The following LTBP4 variants were observed in gnomAD, a reference collection of about 807,000 sequenced individuals.
LTBP4 encodes latent transforming growth factor beta binding protein 4.
A neutral mutation model predicts 180.2 loss-of-function variants in LTBP4; 93 were observed. The ratio of observed to expected loss-of-function variants is 0.52; its 90% CI spans 0.44 to 0.61. The LOEUF is 0.61. LTBP4 is among the 20% of genes least tolerant of loss of function. LTBP4 has a pLI of 0.00. For synonymous variants in LTBP4, 947 were observed against 934.5 expected, an observed-to-expected ratio of 1.01 and a Z score of -0.24; for missense variants, 2,116 against 2,256.5, an observed-to-expected ratio of 0.94 and a Z score of 1.26.
Position 40,622,933 on chromosome 19 carries a change from C to T in LTBP4, c.3485-17C>T, listed in dbSNP as rs375252344. Reference sequence around the variant, plus strand: ...TGGGGCTCTGGTGTCCTGGCTCAGGCTTGTCTCTGTGTGTAGCTGAGTACC... The same window carrying T: ...TGGGGCTCTGGTGTCCTGGCTCAGGTTTGTCTCTGTGTGTAGCTGAGTACC... On this transcript the variant is annotated splice_polypyrimidine_tract_variant and intron_variant, in intron 23 of 29. Transcript: ENST00000396819. The surrounding 1 kb of genome is among the most constrained non-coding windows in gnomAD (Gnocchi z 5.1). 8.1e-6 allele frequency: 13 copies of T among 1,612,188 alleles called. No individual in the cohort carries two copies. Among genetic ancestry groups the T allele is most frequent in the Non-Finnish European group, 1.1e-5 (13 of 1,179,042 alleles).
intron 21 of LTBP4, among the ~76,000 whole-genome samples, chr19:40,617,901 A>G (rs544580718): frequency 1.3e-5 from 2 of 152,302 alleles, no homozygotes; most frequent in East Asian, 3.9e-4. Flanking sequence ...TTATCATTTT[A>G]TTACACTTGC....
At position 40,622,804 on chromosome 19, in the gene LTBP4, G is replaced by A; in HGVS notation, c.3484+137G>A. The A allele has an allele frequency of 7.2e-7, 1 of 1,397,334 alleles. No individual in the cohort carries two copies. The highest frequency in any genetic ancestry group is 1.4e-5 in the African/African-American group (1 of 70,556). The allele number at this position is 1,397,334 out of a possible 1,614,324, so 86.6% of individuals were successfully genotyped here. ...TGTCAGGGCAAGGGCGAGCTGCCAG[G>A]CAGGTGGGCATGGGCAGACATAAGG... On this transcript the variant is annotated intron_variant, in intron 23 of 29. Transcript: ENST00000396819. The surrounding 1 kb of genome is among the most constrained non-coding windows in gnomAD (Gnocchi z 5.1).
intron 21 of LTBP4, among the ~76,000 whole-genome samples, chr19:40,618,012 T>C (rs2081562107): frequency 6.6e-6 from 1 of 152,114 alleles, no homozygotes; most frequent in Admixed American, 6.6e-5. Context: ...TCAATATGCA[T>C]ATCACTAACC....
chr19:40,600,307 G>T, upstream of LTBP4: 2 of 416,448 alleles, frequency 4.8e-6, no homozygotes, highest in East Asian at 3.6e-5. This position sits in a 1 kb window ranked among gnomAD's most constrained non-coding sequence, Gnocchi z 4.4. Context: ...CCCAGGACGA[G>T]GCCCCCTCTA....
In LTBP4 at chr19:40,611,223, C is replaced by T. The variant is rs200338042; in HGVS notation, c.1882C>T (p.Arg628Cys). 8.6e-4 allele frequency: 1,395 copies of T among 1,613,782 alleles called. 2 individuals are homozygous for T. The highest frequency in any genetic ancestry group is 3.1e-3 in the Admixed American group (187 of 60,014). ...CTGCAAGAACCTGCCTGGCTCTTTC[C>T]GCTGTGTTTGCCCGGCTGGCTTCCG... ...GACKNLPGSF[R>C]CVCPAGFRGS... Residue 628 changes from arginine to cysteine, a missense_variant, in exon 13 of 30, where the codon CGC becomes TGC. By Grantham distance (180) the Arg-to-Cys change is radical. This residue lies in a region of LTBP4 where 877 missense variants were observed against 873.6 expected (regional missense o/e 1.00). Transcript: ENST00000396819. The surrounding 1 kb of genome is among the most constrained non-coding windows in gnomAD (Gnocchi z 4.4).
chr19:40,606,531 G>A lies in LTBP4; in HGVS notation c.991+5G>A. The A allele has an allele frequency of 6.4e-7, 1 of 1,561,760 alleles. No homozygotes were observed. The highest frequency in any genetic ancestry group is 8.7e-7 in the Non-Finnish European group (1 of 1,154,216). Reference sequence around the variant, plus strand: ...CGTCCCGCAGCAGCTGCATCTGTGAGCAACCAGCAGGGAGCTGAGGCTGGG... The same window carrying A: ...CGTCCCGCAGCAGCTGCATCTGTGAACAACCAGCAGGGAGCTGAGGCTGGG... On this transcript the variant is annotated splice_donor_5th_base_variant and intron_variant, in intron 6 of 29. Transcript: ENST00000396819.
In LTBP4 at chr19:40,611,891, T is replaced by C; in HGVS notation, c.2086T>C (p.Cys696Arg). The C allele has an allele frequency of 6.2e-7, 1 of 1,608,654 alleles. No individual in the cohort carries two copies. The highest frequency in any genetic ancestry group is 1.1e-5 in the South Asian group (1 of 89,642). The stretch of plus-strand genomic sequence containing the variant: ...TGAGTGTGCCCGAAGCCCCCCACCC[T>C]GCACCTACGGCCGGTGTGAGAACAC... ...VDECARSPPP[C>R]TYGRCENTEG... The change falls in exon 14 of 30, where the codon TGC (cysteine) becomes CGC (arginine). Residue 696 changes from cysteine to arginine, a missense_variant. By Grantham distance (180) the Cys-to-Arg change is radical. Around this residue, in one of 5 missense-constraint regions of LTBP4, gnomAD observed 877 missense variants for 873.6 expected, o/e 1.00. Transcript: ENST00000396819. This position sits in a 1 kb window ranked among gnomAD's most constrained non-coding sequence, Gnocchi z 4.4.
upstream of LTBP4, among the ~76,000 whole-genome samples, chr19:40,601,132 C>G (rs2081420201): frequency 6.6e-6 from 1 of 152,146 alleles, no homozygotes; most frequent in African/African-American, 2.4e-5. Context: ...CCCTACAGGC[C>G]CGGTCCACTT....
chr19:40,625,291 TATATATATATATATATATATA>T lies in LTBP4; in HGVS notation c.3833-565_3833-545del, dbSNP rs1568414480. On this transcript the variant is annotated intron_variant, in intron 26 of 29. Transcript: ENST00000396819. ...ATATATATATATATATATATATATA[TATATATATATATATATATATA>T]TATATTTTTTTTTTTAAAGATGGGT... Among the ~76,000 whole-genome samples the T allele has an allele frequency of 1.4e-3, 16 of 11,430 alleles. 3 individuals carry two copies. Among genetic ancestry groups the T allele is most frequent in the African/African-American group, 8.4e-3 (8 of 956 alleles). The allele number at this position is 11,430 out of a possible 152,430, so 7.5% of individuals were successfully genotyped here.
At chr19:40,599,144 G>T, upstream of LTBP4, 1 of 1,535,608 alleles carries the variant, frequency 6.5e-7, no homozygotes, top group Non-Finnish European at 8.9e-7. Context: ...GCCCTCCTTT[G>T]CAGAGTTCTG....
upstream of LTBP4, among the ~76,000 whole-genome samples, chr19:40,598,348 A>G (rs1189929511): frequency 6.8e-6 from 1 of 147,196 alleles, no homozygotes; most frequent in Non-Finnish European, 1.5e-5. Context: ...AGAGGGGCCC[A>G]CGCGCTGGAC....
chr19:40,595,217 T>C (rs1472610834), intron 1 of LTBP4, among the ~76,000 whole-genome samples: 1 of 151,714 alleles, frequency 6.6e-6, no homozygotes, highest in African/African-American at 2.4e-5. Context: ...GAAAAAGAGG[T>C]GATTAGGGGC....
Position 40,619,505 on chromosome 19 carries a change from G to A in LTBP4, c.3217+12G>A. 1.2e-6 allele frequency: 2 copies of A among 1,602,710 alleles called. No individual in the cohort carries two copies. Among genetic ancestry groups the A allele is most frequent in the Non-Finnish European group, 1.7e-6 (2 of 1,172,366 alleles). On this transcript the variant is annotated intron_variant, in intron 22 of 29. Coordinates refer to ENST00000396819, the MANE Select transcript of LTBP4 (RefSeq NM_001042545.2). The stretch of plus-strand genomic sequence containing the variant: ...ACGAACTTCTGCTGGTGAGACTGAT[G>A]TGTCTATTTAACTGATGGCGGCTGG...
intron 28 of LTBP4, 32 bp downstream of exon 28, chr19:40,627,387 A>T: frequency 6.8e-7 from 1 of 1,470,390 alleles, no homozygotes; most frequent in South Asian, 1.4e-5. Context: ...TGAGACTGAG[A>T]TGAGGGGTGA....
At chr19:40,616,689 C>CACT (rs1197420397) in intron 19 of LTBP4, among the ~76,000 whole-genome samples, 200 bp from the exon 20 acceptor site, 1 of 152,230 alleles carries the variant, frequency 6.6e-6, no homozygotes, top group Admixed American at 6.5e-5. Flanking sequence ...GAGATTGAGC[C>CACT]ACTGCACTCC....
At position 40,609,594 on chromosome 19, in the gene LTBP4, G is replaced by A. The variant is rs117273116; in HGVS notation, c.1491G>A (p.Arg497=). The A allele has an allele frequency of 6.2e-7, 1 of 1,613,346 alleles. No homozygotes were observed. The highest frequency in any genetic ancestry group is 1.7e-5 in the Admixed American group (1 of 60,004). Residue 497 remains arginine (R), a synonymous_variant, in exon 10 of 30, where the codon CGG becomes CGA. Transcript: ENST00000396819. The surrounding 1 kb of genome is among the most constrained non-coding windows in gnomAD (Gnocchi z 4.9). ...GCGGCCCAGGACGCTGCATTTCCCG[G>A]CCCAGCGGCTACACCTGCGCTTGCG... is the stretch of plus-strand genomic sequence containing the variant. ...QVCGPGRCIS[R]PSGYTCACDS... is the part of the protein sequence containing the mutation.
At position 40,614,449 on chromosome 19, in the gene LTBP4, G is replaced by A. The variant is rs2081532630; in HGVS notation, c.2812+3G>A. 5 of 1,597,802 alleles carry A rather than the reference G, an allele frequency of 3.1e-6. No homozygotes were observed. The highest frequency in any genetic ancestry group is 4.2e-6 in the Non-Finnish European group (5 of 1,179,250). On this transcript the variant is annotated splice_donor_region_variant and intron_variant, in intron 19 of 29. Coordinates refer to ENST00000396819, the MANE Select transcript of LTBP4 (RefSeq NM_001042545.2). Reference sequence around the variant, plus strand: ...GGGCCCCGAGGGCACCTGTGACGGTGAGCCTGCCCCCACCCGCCTTCGCTA... The same window carrying A: ...GGGCCCCGAGGGCACCTGTGACGGTAAGCCTGCCCCCACCCGCCTTCGCTA...
chr19:40,601,335 G>T (rs1011584115), upstream of LTBP4: 37 of 997,142 alleles, frequency 3.7e-5, no homozygotes, highest in African/African-American at 1.8e-4. Context: ...GGGTGCGGCC[G>T]GGCCCCTCGG....
chr19:40,598,080 T>A (rs2081400543), upstream of LTBP4, among the ~76,000 whole-genome samples: 1 of 152,152 alleles, frequency 6.6e-6, no homozygotes, highest in Middle Eastern at 3.4e-3. Flanking sequence ...TGTCTGCGGG[T>A]GACGGGACTG....
Sources: allele counts gnomAD v4.1 joint callset (sites outside exome capture counted in the v4.1 genomes callset), GRCh38; gene constraint gnomAD v4.1.1; regional missense constraint gnomAD v4.1.1; non-coding constraint Gnocchi (gnomAD v3.1); transcripts MANE v1.5; gene names NCBI Gene and HGNC (gene_info 2026-07-23, HGNC 2026-07-21).